Variants in UIMC1 observed in about 807,000 individuals in gnomAD.
The protein encoded by UIMC1 is BRCA1-A complex subunit RAP80.
UIMC1 carries 42 observed loss-of-function variants against 84.9 expected under a neutral mutation model. The ratio of observed to expected loss-of-function variants is 0.49; its 90% CI spans 0.39 to 0.64. UIMC1 has a LOEUF of 0.64. Among genes scored for constraint, UIMC1 ranks in the 30% least tolerant of loss-of-function variants. The pLI, the probability that UIMC1 is intolerant of heterozygous loss-of-function variation, is 0.00. For synonymous variants in UIMC1, 281 were observed against 293.0 expected (o/e 0.96, Z 0.42); for missense variants, 825 against 847.6 (o/e 0.97, Z 0.33).
intron 1 of UIMC1, among the ~76,000 whole-genome samples, chr5:176,990,211 TG>T (rs1438011677): frequency 1.4e-5 from 2 of 147,524 alleles, no homozygotes; most frequent in Non-Finnish European, 3.0e-5. Context: ...AAGAAAGAAA[TG>T]GGGACTTAGG....
At chr5:176,975,564 AG>A in intron 2 of UIMC1, 84 bp from the exon 3 acceptor site, 1 of 1,336,398 alleles carries the variant, frequency 7.5e-7, no homozygotes, top group Non-Finnish European at 1.1e-6. Context: ...TATGGCTAAG[AG>A]AGGCCTCTGA....
chr5:176,918,922 T>A (rs758450975), intron 10 of UIMC1, among the ~76,000 whole-genome samples: 13 of 152,162 alleles, frequency 8.5e-5, no homozygotes, highest in Non-Finnish European at 1.8e-4. Context: ...CTGGCCTCAC[T>A]TTTTATTTAA....
At chr5:176,959,358 T>C (rs1767012516) in intron 6 of UIMC1, among the ~76,000 whole-genome samples, 1 of 152,190 alleles carries the variant, frequency 6.6e-6, no homozygotes, top group African/African-American at 2.4e-5. Flanking sequence ...GTAAGTTAGT[T>C]ATAAGGCACC....
Position 176,911,679 on chromosome 5 carries a change from C to T in UIMC1, c.1598-290G>A, listed in dbSNP as rs530149307. On this transcript the variant is annotated intron_variant, in intron 10 of 14. Coordinates refer to ENST00000511320, the MANE Select transcript of UIMC1 (RefSeq NM_001199298.2). ...CAAGAAAAGGTTTTTGTGTACTATC[C>T]CAGCTTGCAGCACTCAAGGGAGGGA... Among the ~76,000 whole-genome samples, 7 of 152,240 alleles carry T rather than the reference C, an allele frequency of 4.6e-5. No homozygotes were observed. In the South Asian group the frequency reaches 1.2e-3, roughly 27 times the overall value.
chr5:176,952,698 G>A (rs887776210), intron 8 of UIMC1, among the ~76,000 whole-genome samples: 5 of 152,136 alleles, frequency 3.3e-5, no homozygotes, highest in South Asian at 4.1e-4. Flanking sequence ...TTGGGAAGAC[G>A]AGGCGGGAGG....
chr5:176,989,970 G>A (rs1465005602), intron 1 of UIMC1, among the ~76,000 whole-genome samples: 10 of 152,114 alleles, frequency 6.6e-5, no homozygotes, highest in Admixed American at 3.3e-4. Flanking sequence ...CATGAGGTCA[G>A]GAGATCGAGA....
In UIMC1 at chr5:176,905,316, G is replaced by A; in HGVS notation, c.2126C>T (p.Thr709Ile). 6 of 1,614,036 alleles carry A rather than the reference G, an allele frequency of 3.7e-6. No individual in the cohort carries two copies. The highest frequency in any genetic ancestry group is 5.1e-6 in the Non-Finnish European group (6 of 1,179,964). The stretch of plus-strand genomic sequence containing the variant: ...TCTCCTTCTTCCTCTGCCAGCTTTG[G>A]TCCGTGTCCGACTACCTGGCTGGAC... ...VTVQPGSRTR[T>I]KAGRGRRRKF The change falls in exon 15 of 15, where the codon ACC becomes ATC. Residue 709 changes from threonine to isoleucine, a missense_variant. Transcript: ENST00000511320.
intron 1 of UIMC1, among the ~76,000 whole-genome samples, chr5:176,984,939 G>C (rs1007762489): frequency 2.0e-4 from 31 of 152,216 alleles, no homozygotes; most frequent in Admixed American, 2.0e-3. Flanking sequence ...CAAGTACCCA[G>C]GGACACAAAC....
chr5:176,905,608 T>C, intron 14 of UIMC1, 116 bp from the exon 15 acceptor site: 1 of 949,114 alleles, frequency 1.1e-6, no homozygotes, highest in Non-Finnish European at 1.5e-6. Context: ...AAATAATCTT[T>C]GTAATAATCC....
In UIMC1 at chr5:176,914,044, T is replaced by TACCAC. The variant is rs1554106274; in HGVS notation, c.1598-2656_1598-2655insGTGGT. The stretch of plus-strand genomic sequence containing the variant: ...ATACACCATACCATACCATACACCA[T>TACCAC]ACCATACCATACCATACCATACCAT... On this transcript the variant is annotated intron_variant, in intron 10 of 14. Transcript: ENST00000511320. Among the ~76,000 whole-genome samples the TACCAC allele has an allele frequency of 3.5e-3, 520 of 147,406 alleles. 2 individuals are homozygous for TACCAC. The highest frequency in any genetic ancestry group is 9.0e-3 in the South Asian group (42 of 4,656).
intron 10 of UIMC1, among the ~76,000 whole-genome samples, chr5:176,914,645 T>C (rs1267206286): frequency 1.3e-5 from 2 of 152,194 alleles, no homozygotes; most frequent in African/African-American, 4.8e-5. Flanking sequence ...TGTTTGCCTC[T>C]GCGGAGGATG....
intron 6 of UIMC1, among the ~76,000 whole-genome samples, chr5:176,960,139 T>C (rs143676102): frequency 7.4e-4 from 112 of 152,330 alleles, no homozygotes; most frequent in Admixed American, 1.1e-3. Flanking sequence ...GCAAAAACCA[T>C]TAAATTATTT....
At chr5:176,914,480 T>G (rs746681379) in intron 10 of UIMC1, among the ~76,000 whole-genome samples, 6 of 152,154 alleles carry the variant, frequency 3.9e-5, no homozygotes, top group Non-Finnish European at 7.4e-5. Context: ...TGCAAGTAAT[T>G]TGGGGAGATA....
At chr5:176,999,126 G>C (rs1774073339) in intron 1 of UIMC1, among the ~76,000 whole-genome samples, 1 of 152,120 alleles carries the variant, frequency 6.6e-6, no homozygotes, top group Non-Finnish European at 1.5e-5. Flanking sequence ...GTGAGATCAA[G>C]GCTGCAGTCA....
At chr5:176,984,378 T>A (rs1466023792) in intron 1 of UIMC1, among the ~76,000 whole-genome samples, 2 of 123,790 alleles carry the variant, frequency 1.6e-5, no homozygotes, top group East Asian at 5.4e-4. Context: ...GGCCTCCCCG[T>A]CTGGGAAGTG....
chr5:176,970,889 G>C (rs1769104047), intron 3 of UIMC1, 23 bp from the exon 4 acceptor site: 1 of 1,610,592 alleles, frequency 6.2e-7, no homozygotes, highest in East Asian at 2.2e-5. Flanking sequence ...AGGGAAAAGA[G>C]AAGGAGGAAC....
intron 8 of UIMC1, among the ~76,000 whole-genome samples, chr5:176,955,206 T>C (rs997757726): frequency 6.6e-6 from 1 of 152,226 alleles, no homozygotes; most frequent in Non-Finnish European, 1.5e-5. Context: ...TTACATTATT[T>C]TGTATATCTA....
intron 3 of UIMC1, 150 bp from the exon 4 acceptor site, chr5:176,971,016 G>C: frequency 1.7e-6 from 2 of 1,153,502 alleles, no homozygotes; most frequent in Non-Finnish European, 2.4e-6. Flanking sequence ...GAAAACCCCA[G>C]AAGGAAAGGT....
chr5:176,965,458 T>C (rs1349122022), intron 6 of UIMC1, among the ~76,000 whole-genome samples: 1 of 152,016 alleles, frequency 6.6e-6, no homozygotes, highest in Non-Finnish European at 1.5e-5. Context: ...CTCGCTTCCT[T>C]ATAAAGTCCT....
Sources: allele counts gnomAD v4.1 joint callset (sites outside exome capture counted in the v4.1 genomes callset), GRCh38; gene constraint gnomAD v4.1.1; transcripts MANE v1.5; gene names NCBI Gene and HGNC (gene_info 2026-07-23, HGNC 2026-07-21).